Variants in ZNF423 observed in about 807,000 individuals in gnomAD.
ZNF423 encodes the protein zinc finger protein 423.
In ZNF423, 12 loss-of-function variants were observed where a neutral mutation model predicts 95.8. The ratio of observed to expected loss-of-function variants is 0.13; its 90% CI spans 0.08 to 0.20. ZNF423 has a LOEUF of 0.20. Among genes scored for constraint, ZNF423 ranks in the 10% least tolerant of loss-of-function variants. The probability of loss-of-function intolerance (pLI) is 1.00; values close to 1 mark genes in which losing one functional copy is unlikely to be tolerated. For synonymous variants in ZNF423, 749 were observed against 711.9 expected (o/e 1.05, Z -0.83); for missense variants, 1,316 against 1,737.1 (o/e 0.76, Z 4.31).
intron 1 of ZNF423, among the ~76,000 whole-genome samples, chr16:49,847,794 G>A (rs8051641): frequency 0.014 from 2,090 of 152,202 alleles, 16 homozygotes; most frequent in Non-Finnish European, 0.019. Flanking sequence ...GTGACAGCCC[G>A]ACAACAATGT....
rs1006177310 is a variant in ZNF423, at chr16:49,771,508, T to G, written c.100+17979A>C. On this transcript the variant is annotated intron_variant, in intron 2 of 7. Transcript: ENST00000563137. ...GCATGAGCCACCAAGTACAGCCTCA[T>G]CTTGAATTGTAGTTCCCAAAATTCC... Among the ~76,000 whole-genome samples the G allele has an allele frequency of 1.3e-5, 2 of 152,104 alleles. 1 individual carries two copies. The highest frequency in any genetic ancestry group is 4.8e-5 in the African/African-American group (2 of 41,428).
intron 1 of ZNF423, among the ~76,000 whole-genome samples, chr16:49,848,631 T>A (rs757228291): frequency 6.6e-6 from 1 of 152,172 alleles, no homozygotes; most frequent in Non-Finnish European, 1.5e-5. Flanking sequence ...CCATTTTATA[T>A]CCCAATTCAG....
intron 3 of ZNF423, among the ~76,000 whole-genome samples, chr16:49,660,416 GAA>G (rs1567273274): frequency 1.4e-5 from 2 of 145,092 alleles, no homozygotes; most frequent in African/African-American, 5.1e-5. Context: ...ATGAATGAAT[GAA>G]TAGTCTAATC....
At position 49,764,018 on chromosome 16, in the gene ZNF423, G is replaced by A. The variant is rs144546928; in HGVS notation, c.100+25469C>T. Among the ~76,000 whole-genome samples the A allele has an allele frequency of 3.1e-4, 47 of 152,352 alleles. No individual in the cohort carries two copies. The East Asian group carries it at 8.5e-3, about 28-fold the overall frequency. On this transcript the variant is annotated intron_variant, in intron 2 of 7. Coordinates refer to ENST00000563137, the MANE Select transcript of ZNF423 (RefSeq NM_001379286.1). ...AGGCAGCCTGCTGGCCCCACGGGCA[G>A]GAGGAGACAGGAAAGGGGCTGTGTC...
At chr16:49,643,472 A>G (rs916005222) in intron 3 of ZNF423, among the ~76,000 whole-genome samples, 15 of 152,076 alleles carry the variant, frequency 9.9e-5, no homozygotes, top group African/African-American at 3.6e-4. Context: ...AGTGCCACAC[A>G]GCCAGCAGGC....
chr16:49,619,467 C>T (rs1391183744), intron 5 of ZNF423, among the ~76,000 whole-genome samples: 1 of 152,110 alleles, frequency 6.6e-6, no homozygotes, highest in Non-Finnish European at 1.5e-5. Context: ...TAAACAGCTT[C>T]CTCGAATGAA....
chr16:49,827,791 G>A (rs1457226897), intron 1 of ZNF423, among the ~76,000 whole-genome samples: 1 of 152,044 alleles, frequency 6.6e-6, no homozygotes, highest in Non-Finnish European at 1.5e-5. Context: ...AAATTGTTAT[G>A]TTGCCTTTTT....
At chr16:49,842,376 GGAAGGA>G (rs2035197470) in intron 1 of ZNF423, among the ~76,000 whole-genome samples, 1 of 91,376 alleles carries the variant, frequency 1.1e-5, no homozygotes, top group African/African-American at 4.6e-5. Flanking sequence ...CAGGAAGGAA[GGAAGGA>G]AGGAAGGAAG....
intron 5 of ZNF423, among the ~76,000 whole-genome samples, chr16:49,536,023 G>A (rs1051263701): frequency 1.3e-5 from 2 of 152,016 alleles, no homozygotes; most frequent in African/African-American, 4.8e-5. Context: ...CTCTACTGCC[G>A]ACATCATTTT....
At chr16:49,713,243 A>C (rs1272211000) in intron 3 of ZNF423, among the ~76,000 whole-genome samples, 1 of 152,198 alleles carries the variant, frequency 6.6e-6, no homozygotes, top group African/African-American at 2.4e-5. Context: ...TCCCCCACAC[A>C]AATCACACAG....
At position 49,636,045 on chromosome 16, in the gene ZNF423, T is replaced by C. The variant is rs926289275; in HGVS notation, c.3131A>G (p.Lys1044Arg). 2 of 1,612,932 alleles carry C rather than the reference T, an allele frequency of 1.2e-6. No homozygotes were observed. Among genetic ancestry groups the C allele is most frequent in the Middle Eastern group, 1.6e-4 (1 of 6,062 alleles). ...MQTVTSTLEL[K>R]IHGTFHMQKL... ...CTGCATGTGGAAGGTGCCATGGATC[T>C]TGAGCTCAAGCGTGGAAGTGACTGT... Residue 1044 changes from lysine to arginine, a missense_variant, in exon 4 of 8, where the codon AAG (lysine) becomes AGG (arginine). Lys to Arg is a conservative substitution (Grantham distance 26). Around this residue, in one of 6 missense-constraint regions of ZNF423, gnomAD observed 620 missense variants for 775.6 expected, o/e 0.80. Coordinates refer to ENST00000563137, the MANE Select transcript of ZNF423 (RefSeq NM_001379286.1). This position sits in a 1 kb window ranked among gnomAD's most constrained non-coding sequence, Gnocchi z 8.6.
chr16:49,552,595 T>C (rs1969681580), intron 5 of ZNF423, among the ~76,000 whole-genome samples: 1 of 152,166 alleles, frequency 6.6e-6, no homozygotes, highest in African/African-American at 2.4e-5. Context: ...ATAGGATTTC[T>C]AAATCCTCAG....
chr16:49,602,942 C>A (rs1035366972), intron 5 of ZNF423, among the ~76,000 whole-genome samples: 5 of 152,208 alleles, frequency 3.3e-5, no homozygotes, highest in African/African-American at 9.6e-5. Flanking sequence ...TGCCGGCGGG[C>A]GATCAGCACC....
chr16:49,800,634 A>T (rs915741597), intron 1 of ZNF423, among the ~76,000 whole-genome samples: 1 of 152,176 alleles, frequency 6.6e-6, no homozygotes, highest in African/African-American at 2.4e-5. Flanking sequence ...GCCCAATGTG[A>T]GCAGGAAAGG....
chr16:49,689,392 C>A, intron 3 of ZNF423, among the ~76,000 whole-genome samples: 1 of 151,880 alleles, frequency 6.6e-6, no homozygotes, highest in Non-Finnish European at 1.5e-5. Flanking sequence ...GTCAAGGTTG[C>A]AGTGGGCTAT....
At chr16:49,629,789 C>T (rs1219323408) in intron 4 of ZNF423, among the ~76,000 whole-genome samples, 3 of 152,242 alleles carry the variant, frequency 2.0e-5, no homozygotes, top group Non-Finnish European at 4.4e-5. Context: ...GGAGTCTATT[C>T]AGGCAGAGGT....
At position 49,833,817 on chromosome 16, in the gene ZNF423, G is replaced by T. The variant is rs146542456; in HGVS notation, c.40+21918C>A. 4.6e-3 allele frequency among the ~76,000 whole-genome samples: 704 copies of T among 152,128 alleles called. 6 individuals carry two copies. The highest frequency in any genetic ancestry group is 6.5e-3 in the Non-Finnish European group (443 of 67,996). The stretch of plus-strand genomic sequence containing the variant: ...GAAGGGAGGAGGGGAGCATGTGCAG[G>T]GGGGCAGCAGGGCTGGGTGGGCAGG... On this transcript the variant is annotated intron_variant, in intron 1 of 7. Transcript: ENST00000563137.
intron 4 of ZNF423, among the ~76,000 whole-genome samples, chr16:49,633,023 C>G (rs2151876517): frequency 6.6e-6 from 1 of 152,342 alleles, no homozygotes; most frequent in South Asian, 2.1e-4. Flanking sequence ...GACCCCACCC[C>G]AGCTGGCCTT....
chr16:49,854,952 CG>C, intron 1 of ZNF423: 1 of 985,074 alleles, frequency 1.0e-6, no homozygotes, highest in Non-Finnish European at 1.2e-6. Flanking sequence ...TGCCGGTGCC[CG>C]GGGTCAGATC....
Sources: allele counts gnomAD v4.1 joint callset (sites outside exome capture counted in the v4.1 genomes callset), GRCh38; gene constraint gnomAD v4.1.1; regional missense constraint gnomAD v4.1.1; non-coding constraint Gnocchi (gnomAD v3.1); transcripts MANE v1.5; gene names NCBI Gene and HGNC (gene_info 2026-07-23, HGNC 2026-07-21).